The following COL4A4 variants were observed in gnomAD, a reference collection of about 807,000 sequenced individuals.
The protein encoded by COL4A4 is collagen alpha-4(IV) chain.
COL4A4 carries 105 observed loss-of-function variants against 192.9 expected under a neutral mutation model. That is an observed-to-expected ratio of 0.54 (90% CI 0.46 to 0.64). COL4A4 has a LOEUF of 0.64. Among genes scored for constraint, COL4A4 ranks in the 30% least tolerant of loss-of-function variants. COL4A4 has a pLI of 0.00. For missense variants in COL4A4, 1,967 were observed against 2,169.3 expected (o/e 0.91, Z 1.85); for synonymous variants, 762 against 769.9 (o/e 0.99, Z 0.17).
rs1221153302 is a variant in COL4A4, at chr2:227,003,483, C to G, written c.*3842G>C. On this transcript the variant is annotated 3_prime_UTR_variant, in exon 48 of 48. Transcript: ENST00000396625. ...CTCAAGTCCTCTTCTTTCCACTATT[C>G]TTGCAGCCATACCAAGTAAAAGTAA... is the stretch of plus-strand genomic sequence containing the variant. 2 of 152,206 alleles carry G rather than the reference C, an allele frequency of 1.3e-5. No individual in the cohort carries two copies. Among genetic ancestry groups the G allele is most frequent in the Non-Finnish European group, 2.9e-5 (2 of 68,030 alleles). 9.4% of individuals were successfully genotyped at this position (152,206 alleles called of 1,614,324 possible). A position where few individuals can be genotyped will look rare whatever the true frequency, so the allele number is the denominator to read the frequency against.
At chr2:226,978,228 T>C in the COL4A4 span, among the ~76,000 whole-genome samples, 1 of 152,238 alleles carries the variant, frequency 6.6e-6, no homozygotes, top group Middle Eastern at 3.2e-3. Flanking sequence ...TTCATGATCA[T>C]CTTTTTTTTA....
At chr2:226,970,046 C>T in the COL4A4 span, among the ~76,000 whole-genome samples, 2 of 130,820 alleles carry the variant, frequency 1.5e-5, no homozygotes, top group African/African-American at 2.9e-5. Context: ...CTGGTCACAT[C>T]GTCATCCCAG....
At chr2:227,041,916 A>AAGAAAGAAAG (rs1553633586) in intron 37 of COL4A4, among the ~76,000 whole-genome samples, 12 of 150,852 alleles carry the variant, frequency 8.0e-5, no homozygotes, top group Non-Finnish European at 1.3e-4. Context: ...GAAAGAAAGA[A>AAGAAAGAAAG]AGAAAGAAAA....
At position 227,104,026 on chromosome 2, in the gene COL4A4, A is replaced by T. The variant is rs2150806188; in HGVS notation, c.762T>A (p.Pro254=). The T allele has an allele frequency of 1.2e-6, 2 of 1,613,654 alleles. No homozygotes were observed. Among genetic ancestry groups the T allele is most frequent in the South Asian group, 2.2e-5 (2 of 91,078 alleles). The part of the protein sequence containing the change: ...DPGEVGQQGS[P]GPTLLVEPPD... ...GTGGCTCTACCAACAGGGTGGGTCC[A>T]GGAGAACCTTGCTGACCAACCTCAC... Residue 254 remains proline, a synonymous_variant, in exon 13 of 48, where the codon CCT becomes CCA. Coordinates refer to ENST00000396625, the MANE Select transcript of COL4A4 (RefSeq NM_000092.5).
intron 1 of COL4A4, among the ~76,000 whole-genome samples, chr2:227,150,582 C>T (rs1380095424): frequency 6.6e-6 from 1 of 152,112 alleles, no homozygotes; most frequent in African/African-American, 2.4e-5. Context: ...ATACCTGAGA[C>T]TGGGTAATTT....
chr2:227,084,771 C>A (rs1229956780), intron 22 of COL4A4, among the ~76,000 whole-genome samples: 4 of 152,094 alleles, frequency 2.6e-5, no homozygotes, highest in Admixed American at 2.6e-4. Context: ...CTACTTTTTA[C>A]AATCTTAAGA....
chr2:226,974,533 G>A, the COL4A4 span, among the ~76,000 whole-genome samples: 8 of 152,252 alleles, frequency 5.3e-5, no homozygotes, highest in East Asian at 1.9e-4. Context: ...CACCGTGCCC[G>A]GCCTGGGTGT....
intron 37 of COL4A4, among the ~76,000 whole-genome samples, chr2:227,035,919 G>C (rs190645290): frequency 1.3e-5 from 2 of 152,158 alleles, no homozygotes; most frequent in African/African-American, 2.4e-5. Context: ...TGAACTGGCC[G>C]ACCCTTATCT....
Position 227,005,001 on chromosome 2 carries a change from G to C in COL4A4, c.*2324C>G, listed in dbSNP as rs561434205. ...ATATAACCAGGTGAAGAAAATAATG[G>C]TTTAAGGTAACAGGATCTTCTATTC... On this transcript the variant is annotated 3_prime_UTR_variant, in exon 48 of 48. Transcript: ENST00000396625. The C allele has an allele frequency of 7.2e-5, 11 of 152,256 alleles. No individual in the cohort carries two copies. Among genetic ancestry groups the C allele is most frequent in the African/African-American group, 2.6e-4 (11 of 41,546 alleles). The allele number at this position is 152,256 out of a possible 1,614,324, so 9.4% of individuals were successfully genotyped here.
chr2:227,047,606 C>T, intron 34 of COL4A4, 57 bp from the exon 35 acceptor site: 1 of 1,177,800 alleles, frequency 8.5e-7, no homozygotes. Context: ...TGGTCTCATA[C>T]AGGTGACAGT....
At chr2:226,995,376 C>T in the COL4A4 span, 3 of 1,103,054 alleles carry the variant, frequency 2.7e-6, no homozygotes, top group South Asian at 1.3e-5. Context: ...TCCTAGGGTA[C>T]ACATGCCTTG....
At chr2:227,072,527 A>G (rs577820228) in intron 25 of COL4A4, among the ~76,000 whole-genome samples, 6 of 152,152 alleles carry the variant, frequency 3.9e-5, no homozygotes, top group East Asian at 3.9e-4. Context: ...AGATTGATAA[A>G]GAAGGCATCC....
chr2:227,065,056 G>A (rs933491917), intron 25 of COL4A4, among the ~76,000 whole-genome samples: 2 of 152,228 alleles, frequency 1.3e-5, no homozygotes, highest in African/African-American at 4.8e-5. Context: ...GAAGCAGGGC[G>A]AGGCATTGCC....
chr2:227,030,629 T>G, intron 40 of COL4A4, 31 bp from the exon 41 acceptor site: 7 of 1,550,596 alleles, frequency 4.5e-6, no homozygotes, highest in Non-Finnish European at 6.1e-6. Flanking sequence ...AAAATATTCT[T>G]TTAGTCAAAG....
At chr2:227,091,180 G>A (rs200812290) in intron 20 of COL4A4, among the ~76,000 whole-genome samples, 2 of 151,708 alleles carry the variant, frequency 1.3e-5, no homozygotes, top group East Asian at 1.9e-4. Context: ...GGAGAGTATT[G>A]CATCCCTGAA....
chr2:227,099,803 A>G, intron 17 of COL4A4, 114 bp from the exon 18 acceptor site: 1 of 886,622 alleles, frequency 1.1e-6, no homozygotes, highest in Non-Finnish European at 1.8e-6. Context: ...AGCAGAGATT[A>G]TAGGCTGACT....
chr2:227,003,670 C>G lies in COL4A4; in HGVS notation c.*3655G>C, dbSNP rs1961483963. On this transcript the variant is annotated 3_prime_UTR_variant, in exon 48 of 48. Coordinates refer to ENST00000396625, the MANE Select transcript of COL4A4 (RefSeq NM_000092.5). ...TTCCATTGACTATTTTTCGGAGCAC[C>G]AATAACATGTACACAAACGTTTAGC... The G allele has an allele frequency of 6.6e-6, 1 of 152,094 alleles. No homozygotes were observed. Among genetic ancestry groups the G allele is most frequent in the African/African-American group, 2.4e-5 (1 of 41,408 alleles). The allele number at this position is 152,094 out of a possible 1,614,324, so 9.4% of individuals were successfully genotyped here.
intron 29 of COL4A4, among the ~76,000 whole-genome samples, 200 bp downstream of exon 29, chr2:227,057,239 C>A (rs1031963410): frequency 6.6e-6 from 1 of 152,178 alleles, no homozygotes; most frequent in Non-Finnish European, 1.5e-5. Flanking sequence ...GTGTGGCCAA[C>A]TAGCCCACTA....
At chr2:227,061,159 C>T (rs56163095) in intron 26 of COL4A4, among the ~76,000 whole-genome samples, 3,813 of 152,292 alleles carry the variant, frequency 0.025, 180 homozygotes, top group African/African-American at 0.087. Flanking sequence ...CTCGAAGTTA[C>T]AGCTGCTGAA....
Sources: gnomAD v4.1 joint callset for allele counts (sites outside exome capture counted in the v4.1 genomes callset) on GRCh38, gnomAD v4.1.1 for gene constraint, MANE v1.5 for transcripts, NCBI Gene and HGNC (gene_info 2026-07-23, HGNC 2026-07-21) for gene names.